Variants in SPINK5 observed in about 807,000 individuals in gnomAD.
SPINK5 encodes serine peptidase inhibitor Kazal type 5.
Under a neutral mutation model 151.8 loss-of-function variants are expected in SPINK5, and 125 were observed. The observed-to-expected ratio is 0.82, with a 90% CI of 0.71 to 0.96. The LOEUF (loss-of-function observed/expected upper bound fraction) is 0.96, where lower values mean the gene tolerates loss of function less well. Among genes scored for constraint, SPINK5 ranks in the 40% least tolerant of loss-of-function variants. The pLI, the probability that SPINK5 is intolerant of heterozygous loss-of-function variation, is 0.00. For missense variants in SPINK5, 1,194 were observed against 1,291.9 expected, an observed-to-expected ratio of 0.92 and a Z score of 1.16; for synonymous variants, 374 against 395.3, an observed-to-expected ratio of 0.95 and a Z score of 0.64.
At chr5:148,134,346 G>A (rs72660264) in intron 32 of SPINK5, among the ~76,000 whole-genome samples, 16,340 of 152,142 alleles carry the variant, frequency 0.11, 1,133 homozygotes, top group East Asian at 0.31. Flanking sequence ...CTGAAAGGAT[G>A]TTTCAACGTA....
intron 9 of SPINK5, among the ~76,000 whole-genome samples, chr5:148,095,232 A>G (rs1024464173): frequency 1.9e-4 from 29 of 151,960 alleles, no homozygotes; most frequent in African/African-American, 6.0e-4. Flanking sequence ...TTATTTCTCC[A>G]AGTTTTTGTT....
At chr5:148,085,499 GA>G (rs1753129466) in intron 4 of SPINK5, among the ~76,000 whole-genome samples, 1 of 151,904 alleles carries the variant, frequency 6.6e-6, no homozygotes, top group South Asian at 2.1e-4. Context: ...TGTTTCATAA[GA>G]ATTCACTTGA....
intron 4 of SPINK5, among the ~76,000 whole-genome samples, chr5:148,073,909 G>GA (rs1205987373): frequency 6.8e-6 from 1 of 146,574 alleles, no homozygotes; most frequent in East Asian, 2.0e-4. Flanking sequence ...TCTTAATAGC[G>GA]ATGTGGTTCA....
intron 15 of SPINK5, among the ~76,000 whole-genome samples, chr5:148,103,721 T>C (rs1453837690): frequency 6.6e-6 from 1 of 152,142 alleles, no homozygotes; most frequent in Non-Finnish European, 1.5e-5. Flanking sequence ...ACAAAGGTGA[T>C]TGATTTTTTT....
intron 9 of SPINK5, among the ~76,000 whole-genome samples, chr5:148,095,436 CCATGGACATGTGCACATAT>C (rs1753429218): frequency 6.6e-6 from 1 of 151,860 alleles, no homozygotes; most frequent in Non-Finnish European, 1.5e-5. Flanking sequence ...CAGAAATAAG[CCATGGACATGTGCACATAT>C]TTATATATTG....
At chr5:148,093,232 T>G (rs1427306578) in intron 8 of SPINK5, among the ~76,000 whole-genome samples, 1 of 151,948 alleles carries the variant, frequency 6.6e-6, no homozygotes, top group African/African-American at 2.4e-5. Flanking sequence ...AGAGTATCAT[T>G]TTTTTGGTAA....
chr5:148,093,653 T>G (rs1420911995), intron 8 of SPINK5, among the ~76,000 whole-genome samples: 1 of 151,728 alleles, frequency 6.6e-6, no homozygotes, highest in Non-Finnish European at 1.5e-5. Context: ...CTCACAACTT[T>G]TTTTTCTTTT....
intron 2 of SPINK5, among the ~76,000 whole-genome samples, chr5:148,068,462 G>A (rs1183810177): frequency 6.9e-5 from 10 of 145,382 alleles, no homozygotes; most frequent in African/African-American, 2.6e-4. Flanking sequence ...AATAATAAGT[G>A]ATTGCTGGCT....
chr5:148,116,181 C>G (rs1394066089), intron 21 of SPINK5, among the ~76,000 whole-genome samples, 189 bp from the exon 22 acceptor site: 2 of 152,022 alleles, frequency 1.3e-5, no homozygotes, highest in African/African-American at 4.8e-5. Context: ...TTAATGAGAC[C>G]CTTCCTGGCA....
chr5:148,100,298 CTTG>C (rs1341310230), intron 12 of SPINK5, among the ~76,000 whole-genome samples, 153 bp from the exon 13 acceptor site: 1 of 151,894 alleles, frequency 6.6e-6, no homozygotes, highest in Non-Finnish European at 1.5e-5. Context: ...TGATGTTTTT[CTTG>C]TTGTCAAATT....
At chr5:148,112,975 A>AT (rs1410781347) in intron 20 of SPINK5, 41 bp downstream of exon 20, 2 of 1,610,188 alleles carry the variant, frequency 1.2e-6, no homozygotes, top group East Asian at 2.2e-5. Context: ...AAAGGATGAG[A>AT]TTTTGCAGTA....
intron 22 of SPINK5, among the ~76,000 whole-genome samples, chr5:148,117,004 AG>A (rs1371847413): frequency 1.3e-5 from 2 of 152,346 alleles, no homozygotes; most frequent in East Asian, 3.9e-4. Flanking sequence ...AAAATAATTT[AG>A]GCAAAGGTTT....
At chr5:148,067,645 C>G (rs1451538892) in intron 2 of SPINK5, among the ~76,000 whole-genome samples, 1 of 152,044 alleles carries the variant, frequency 6.6e-6, no homozygotes, top group African/African-American at 2.4e-5. Context: ...TCACTGTGAA[C>G]AAATTTCTTA....
At chr5:148,094,236 A>C (rs1423501072) in intron 8 of SPINK5, 118 bp from the exon 9 acceptor site, 1 of 1,136,902 alleles carries the variant, frequency 8.8e-7, no homozygotes, top group Non-Finnish European at 1.3e-6. Flanking sequence ...TAGAGGCTTC[A>C]CTGAGCTATG....
rs190353553 is a variant in SPINK5, at chr5:148,130,672, A to G, written c.2965-587A>G. On this transcript the variant is annotated intron_variant, in intron 30 of 32. Transcript: ENST00000256084. ...AACAACTAAAATTTACTGAACACTT[A>G]GTATGTGACAGATACTGCGTTAAGC... Among the ~76,000 whole-genome samples the G allele has an allele frequency of 3.9e-3, 597 of 152,254 alleles. 5 individuals are homozygous for G. Among genetic ancestry groups the G allele is most frequent in the African/African-American group, 0.014 (576 of 41,576 alleles).
chr5:148,098,062 C>A (rs2113106225), intron 11 of SPINK5, 68 bp downstream of exon 11: 1 of 1,462,100 alleles, frequency 6.8e-7, no homozygotes, highest in Non-Finnish European at 9.5e-7. Context: ...GAAACAGCTT[C>A]TTTCATAGAT....
At chr5:148,094,116 G>A (rs1357194852) in intron 8 of SPINK5, among the ~76,000 whole-genome samples, 1 of 151,846 alleles carries the variant, frequency 6.6e-6, no homozygotes, top group Non-Finnish European at 1.5e-5. Flanking sequence ...GCAACATGAT[G>A]AGATCCAGTC....
At position 148,065,368 on chromosome 5, in the gene SPINK5, A is replaced by T; in HGVS notation, c.77A>T (p.Asp26Val). 1.9e-6 allele frequency: 3 copies of T among 1,613,624 alleles called. No individual in the cohort carries two copies. The highest frequency in any genetic ancestry group is 2.5e-6 in the Non-Finnish European group (3 of 1,179,826). The change falls in exon 2 of 33, where the codon GAT (aspartate) becomes GTT (valine). Residue 26 changes from aspartate (D) to valine (V), a missense_variant. Physicochemically the swap from Asp to Val is radical, Grantham distance 152. Transcript: ENST00000256084. ...CCAGATGCTGCCAGTAAGAATGAAG[A>T]TCAGGTTAGTCCTGCTTTTTCTGTT... Reference protein sequence around the residue: ...LIQDAASKNEDQEMCHEFQAF... With the variant: ...LIQDAASKNEVQEMCHEFQAF...
chr5:148,112,932 A>G lies in SPINK5; in HGVS notation c.1885A>G (p.Lys629Glu), dbSNP rs769761831. Residue 629 changes from lysine (K) to glutamate (E), a missense_variant and splice_region_variant, in exon 20 of 33, where the codon AAG (lysine) becomes GAG (glutamate). By Grantham distance (56) the Lys-to-Glu change is moderately conservative. Transcript: ENST00000256084. ...PRAKVKREAE[K>E]ETCDEFRRLL... is the part of the protein sequence containing the mutation. ...AGCAAAAGTCAAAAGAGAAGCTGAA[A>G]AGGTAGTAATCCTGAATGTTTATAC... is the stretch of plus-strand genomic sequence containing the variant. 1.2e-6 allele frequency: 2 copies of G among 1,613,752 alleles called. No individual in the cohort carries two copies. The highest frequency in any genetic ancestry group is 1.7e-6 in the Non-Finnish European group (2 of 1,179,812).
Sources: gnomAD v4.1 joint callset for allele counts (sites outside exome capture counted in the v4.1 genomes callset) on GRCh38, gnomAD v4.1.1 for gene constraint, MANE v1.5 for transcripts, NCBI Gene and HGNC (gene_info 2026-07-23, HGNC 2026-07-21) for gene names.